Variants in KIAA0825 observed in about 807,000 individuals in gnomAD.
The protein encoded by KIAA0825 is uncharacterized protein KIAA0825.
In KIAA0825, 119 loss-of-function variants were observed where a neutral mutation model predicts 147.6. The ratio of observed to expected loss-of-function variants is 0.81; its 90% CI spans 0.69 to 0.94. The LOEUF (loss-of-function observed/expected upper bound fraction) is 0.94, where lower values mean the gene tolerates loss of function less well. KIAA0825 is among the 40% of genes least tolerant of loss of function. KIAA0825 has a pLI of 0.00. For synonymous variants in KIAA0825, 470 were observed against 518.1 expected (o/e 0.91, Z 1.26); for missense variants, 1,381 against 1,472.7 (o/e 0.94, Z 1.02).
At chr5:94,244,910 A>G (rs1345999086) in intron 20 of KIAA0825, among the ~76,000 whole-genome samples, 1 of 152,178 alleles carries the variant, frequency 6.6e-6, no homozygotes, top group Non-Finnish European at 1.5e-5. Flanking sequence ...GCTTCCATTT[A>G]ACATTCCTCT....
chr5:94,225,257 G>C (rs1479206872), intron 20 of KIAA0825, among the ~76,000 whole-genome samples: 1 of 152,100 alleles, frequency 6.6e-6, no homozygotes, highest in East Asian at 1.9e-4. Context: ...ATAAATTTAA[G>C]AGTAAAAAAA....
At chr5:94,578,753 A>AT (rs1781522955) in intron 2 of KIAA0825, among the ~76,000 whole-genome samples, 1 of 152,162 alleles carries the variant, frequency 6.6e-6, no homozygotes, top group South Asian at 2.1e-4. Flanking sequence ...GTGCTTCTCA[A>AT]TTTTTCATGT....
intron 20 of KIAA0825, among the ~76,000 whole-genome samples, chr5:94,272,240 A>T (rs998813604): frequency 1.3e-5 from 2 of 152,082 alleles, no homozygotes; most frequent in Non-Finnish European, 2.9e-5. Context: ...GGGCACAAAA[A>T]TATAGTTAGA....
At chr5:94,192,353 C>T (rs1189225625) in intron 20 of KIAA0825, among the ~76,000 whole-genome samples, 1 of 152,102 alleles carries the variant, frequency 6.6e-6, no homozygotes, top group East Asian at 1.9e-4. Context: ...TTCCCCAGTG[C>T]CCTGATAGCC....
At chr5:94,527,337 C>G (rs971308451) in intron 3 of KIAA0825, among the ~76,000 whole-genome samples, 2 of 151,866 alleles carry the variant, frequency 1.3e-5, no homozygotes, top group Non-Finnish European at 2.9e-5. Flanking sequence ...ATTATAAACT[C>G]TTGAAACTTC....
At chr5:94,374,547 C>A (rs918621772) in intron 20 of KIAA0825, among the ~76,000 whole-genome samples, 1 of 152,150 alleles carries the variant, frequency 6.6e-6, no homozygotes, top group Non-Finnish European at 1.5e-5. Context: ...CTGTATCTAT[C>A]ATAGTATTTG....
chr5:94,417,648 T>C (rs74403761), intron 14 of KIAA0825, among the ~76,000 whole-genome samples: 2,109 of 152,254 alleles, frequency 0.014, 63 homozygotes, highest in African/African-American at 0.049. Flanking sequence ...TCAACGCTAG[T>C]TTCCCTCAAT....
chr5:94,457,857 T>C (rs576257836), intron 12 of KIAA0825, among the ~76,000 whole-genome samples: 2 of 152,280 alleles, frequency 1.3e-5, no homozygotes, highest in African/African-American at 4.8e-5. Context: ...CCTCCATGAC[T>C]AAATTAAGGT....
intron 5 of KIAA0825, chr5:94,519,061 A>T: frequency 3.5e-6 from 1 of 284,058 alleles, no homozygotes; most frequent in Non-Finnish European, 5.3e-6. Context: ...CTTTGAGCAA[A>T]ATAATAATGT....
intron 5 of KIAA0825, among the ~76,000 whole-genome samples, chr5:94,511,064 T>C (rs577358353): frequency 1.3e-5 from 2 of 152,072 alleles, no homozygotes; most frequent in South Asian, 2.1e-4. Context: ...GGGATTAGTG[T>C]CCTTAAAAAA....
intron 16 of KIAA0825, among the ~76,000 whole-genome samples, chr5:94,397,490 C>A (rs1328436191): frequency 1.3e-5 from 2 of 152,048 alleles, no homozygotes; most frequent in Admixed American, 1.3e-4. Context: ...AAGACTGTTC[C>A]AATTAATTTT....
intron 20 of KIAA0825, among the ~76,000 whole-genome samples, chr5:94,296,755 G>A (rs1215751125): frequency 4.6e-5 from 7 of 152,136 alleles, no homozygotes; most frequent in African/African-American, 1.4e-4. Context: ...CAGTCCCAGT[G>A]AGATGAGCTG....
chr5:94,349,817 C>T (rs1237029782), intron 20 of KIAA0825, among the ~76,000 whole-genome samples: 2 of 152,038 alleles, frequency 1.3e-5, no homozygotes, highest in Admixed American at 6.6e-5. Flanking sequence ...CCCTAAACGC[C>T]TACATCAAAA....
chr5:94,307,729 G>A (rs552231728), intron 20 of KIAA0825, among the ~76,000 whole-genome samples: 6 of 151,704 alleles, frequency 4.0e-5, no homozygotes, highest in East Asian at 3.9e-4. Flanking sequence ...ACTCCACCTC[G>A]AAAACAGAGA....
At chr5:94,607,371 C>T (rs1405221184) in intron 1 of KIAA0825, among the ~76,000 whole-genome samples, 1 of 151,944 alleles carries the variant, frequency 6.6e-6, no homozygotes, top group Admixed American at 6.6e-5. Context: ...GCCTGTAATC[C>T]CAACATTTTG....
At chr5:94,245,166 A>G (rs1261910973) in intron 20 of KIAA0825, among the ~76,000 whole-genome samples, 1 of 152,224 alleles carries the variant, frequency 6.6e-6, no homozygotes, top group African/African-American at 2.4e-5. Context: ...TGGAGCTACC[A>G]TGCCCATGGC....
Position 94,216,721 on chromosome 5 carries a change from A to G in KIAA0825, c.3711-62597T>C, listed in dbSNP as rs974952504. Among the ~76,000 whole-genome samples, 5 of 152,318 alleles carry G rather than the reference A, an allele frequency of 3.3e-5. No homozygotes were observed. The East Asian group carries it at 7.7e-4, about 23-fold the overall frequency. ...AAGAATTGTCTCTAAGAACTTCTCA[A>G]TGCAGGAGTATTAGACTAGACAAGC... is the stretch of plus-strand genomic sequence containing the variant. On this transcript the variant is annotated intron_variant, in intron 20 of 20. Transcript: ENST00000682413.
intron 3 of KIAA0825, among the ~76,000 whole-genome samples, chr5:94,531,832 C>G (rs1452328859): frequency 6.6e-6 from 1 of 152,090 alleles, no homozygotes. Context: ...TAAATAAGTG[C>G]CACAATACTG....
intron 20 of KIAA0825, among the ~76,000 whole-genome samples, chr5:94,298,854 T>C (rs1562356046): frequency 6.6e-6 from 1 of 152,174 alleles, no homozygotes; most frequent in Non-Finnish European, 1.5e-5. Context: ...GTTGGCAAGG[T>C]AGTTCGTTGT....
Sources: allele counts gnomAD v4.1 joint callset (sites outside exome capture counted in the v4.1 genomes callset), GRCh38; gene constraint gnomAD v4.1.1; transcripts MANE v1.5; gene names NCBI Gene and HGNC (gene_info 2026-07-23, HGNC 2026-07-21).